The following PLA2G4E variants were observed in gnomAD, a reference collection of about 807,000 sequenced individuals.
PLA2G4E encodes the protein cytosolic phospholipase A2 epsilon.
Under a neutral mutation model 109.1 loss-of-function variants are expected in PLA2G4E, and 84 were observed. The observed-to-expected ratio is 0.77, with a 90% CI of 0.65 to 0.92. PLA2G4E has a LOEUF of 0.92. PLA2G4E is among the 40% of genes least tolerant of loss of function. The probability of loss-of-function intolerance (pLI) is 0.00; values close to 1 mark genes in which losing one functional copy is unlikely to be tolerated. For synonymous variants in PLA2G4E, 469 were observed against 436.1 expected (o/e 1.08, Z -0.94); for missense variants, 1,057 against 1,076.6 (o/e 0.98, Z 0.25).
intron 13 of PLA2G4E, 88 bp from the exon 14 acceptor site, chr15:41,990,323 CA>C: frequency 5.1e-6 from 6 of 1,181,228 alleles, no homozygotes; most frequent in Non-Finnish European, 6.1e-6. Context: ...TGGACCCCCG[CA>C]GCCACTTCCT....
rs2068403628 is a variant in PLA2G4E at position 42,000,289 on chromosome 15, G to C, written c.674-7C>G. 6.4e-7 allele frequency: 1 copy of C among 1,557,974 alleles called. No individual in the cohort carries two copies. The highest frequency in any genetic ancestry group is 8.7e-7 in the Non-Finnish European group (1 of 1,150,766). On this transcript the variant is annotated splice_region_variant and splice_polypyrimidine_tract_variant and intron_variant, in intron 7 of 19. Transcript: ENST00000399518. ...ATCACCAGGAGGTCCTTCACTGGGA[G>C]AGAGGACAAGAGGGTGAGACCCTGG... is the stretch of plus-strand genomic sequence containing the variant.
At chr15:42,038,527 A>G (rs1294005497) in intron 1 of PLA2G4E, among the ~76,000 whole-genome samples, 1 of 152,186 alleles carries the variant, frequency 6.6e-6, no homozygotes, top group Non-Finnish European at 1.5e-5. Flanking sequence ...GCAGTTCAGA[A>G]TAGTGTTTGC....
chr15:41,997,161 T>G, exon 11 of PLA2G4E: 1 of 1,567,902 alleles, frequency 6.4e-7, no homozygotes, highest in Non-Finnish European at 8.6e-7. Flanking sequence ...CTGCAGCACC[T>G]GCTTCAGGGC....
chr15:41,987,608 C>T (rs905434028), intron 16 of PLA2G4E, among the ~76,000 whole-genome samples: 8 of 152,106 alleles, frequency 5.3e-5, no homozygotes, highest in African/African-American at 1.7e-4. Context: ...AGCTAAGAAG[C>T]GTCCTGGAGA....
chr15:42,015,269 C>T (rs1048179080), intron 1 of PLA2G4E, among the ~76,000 whole-genome samples: 4 of 152,208 alleles, frequency 2.6e-5, no homozygotes, highest in Non-Finnish European at 5.9e-5. Context: ...CTCTTCCAGC[C>T]GCACCAGCTT....
At position 41,985,907 on chromosome 15, in the gene PLA2G4E, G is replaced by T. The variant is rs1240590163; in HGVS notation, c.2134C>A (p.Leu712Ile). The T allele has an allele frequency of 4.3e-6, 7 of 1,609,352 alleles. No homozygotes were observed. In the Admixed American group the frequency reaches 1.2e-4, roughly 27 times the overall value. ...TCGGCTTTTCGCTCTGGCCTGAGGAGGGGCGGGTAGCTGGAGTTGACAAAG... is the reference window on the plus strand; with the variant it reads ...TCGGCTTTTCGCTCTGGCCTGAGGATGGGCGGGTAGCTGGAGTTGACAAAG... The change falls in exon 18 of 20, where the codon CTC becomes ATC. Residue 712 changes from leucine to isoleucine, a missense_variant. Leu to Ile is a conservative substitution (Grantham distance 5, BLOSUM62 2). Coordinates refer to ENST00000399518, the Ensembl canonical transcript of PLA2G4E.
chr15:42,036,771 G>C (rs1395729531), intron 1 of PLA2G4E, among the ~76,000 whole-genome samples: 1 of 152,174 alleles, frequency 6.6e-6, no homozygotes, highest in Non-Finnish European at 1.5e-5. Flanking sequence ...GCTCCGCGGA[G>C]CTGGCGGGAG....
intron 4 of PLA2G4E, 76 bp from the exon 5 acceptor site, chr15:42,005,054 G>A: frequency 6.4e-7 from 1 of 1,559,474 alleles, no homozygotes. Flanking sequence ...TTGCCACCCT[G>A]GGAGCCGCTG....
chr15:42,015,433 G>A (rs1390717491), intron 1 of PLA2G4E, among the ~76,000 whole-genome samples: 7 of 152,202 alleles, frequency 4.6e-5, no homozygotes, highest in African/African-American at 1.2e-4. Flanking sequence ...CCTGGCCAGC[G>A]TCTCTTCCAT....
At chr15:41,990,051 CT>C (rs545548189) in intron 14 of PLA2G4E, 69 bp downstream of exon 14, 1 of 1,186,018 alleles carries the variant, frequency 8.4e-7, no homozygotes, top group Non-Finnish European at 1.2e-6. Flanking sequence ...CCTGGAGGTG[CT>C]GGGTGCTTTT....
chr15:42,044,873 T>C (rs895964655), intron 1 of PLA2G4E, among the ~76,000 whole-genome samples: 1 of 151,294 alleles, frequency 6.6e-6, no homozygotes, highest in Non-Finnish European at 1.5e-5. Context: ...GGAAGATGTG[T>C]TGTAGTGGCT....
rs372345972 is a variant in PLA2G4E, at chr15:41,989,460, G to A, written c.1678C>T (p.Arg560Trp). 2.2e-4 allele frequency: 348 copies of A among 1,613,838 alleles called. No individual in the cohort carries two copies. The highest frequency in any genetic ancestry group is 2.8e-4 in the Non-Finnish European group (325 of 1,179,868). The change falls in exon 15 of 20, where the codon CGG (arginine) becomes TGG (tryptophan). Residue 560 changes from arginine (R) to tryptophan (W), a missense_variant. Coordinates refer to ENST00000399518, the Ensembl canonical transcript of PLA2G4E. ...GACTCCGGGATCCTCTTCACCAGCC[G>A]CCCCATGAAGAACTCGGAGCCGAAG...
At chr15:42,050,581 T>C in exon 1 of PLA2G4E, 1 of 1,550,552 alleles carries the variant, frequency 6.4e-7, no homozygotes, top group African/African-American at 1.4e-5. Flanking sequence ...CCAGGTCCTG[T>C]GTATCCTCGA....
At chr15:41,999,783 C>A (rs1409425283) in intron 9 of PLA2G4E, 134 bp downstream of exon 9, 3 of 1,143,294 alleles carry the variant, frequency 2.6e-6, no homozygotes, top group African/African-American at 1.5e-5. Context: ...CCCCACAAGA[C>A]TCCTCCATCC....
chr15:41,988,258 A>G, intron 15 of PLA2G4E, 102 bp from the exon 16 acceptor site: 1 of 737,420 alleles, frequency 1.4e-6, no homozygotes, highest in Non-Finnish European at 2.0e-6. Context: ...CACGCAAGCC[A>G]GGCTGCTCCA....
At chr15:41,994,991 C>G (rs1276302528) in intron 12 of PLA2G4E, among the ~76,000 whole-genome samples, 1 of 152,368 alleles carries the variant, frequency 6.6e-6, no homozygotes, top group South Asian at 2.1e-4. Flanking sequence ...AGCTGCAGGG[C>G]CCTGCCCGTT....
intron 15 of PLA2G4E, among the ~76,000 whole-genome samples, chr15:41,988,629 A>G (rs2068190426): frequency 6.6e-6 from 1 of 152,186 alleles, no homozygotes; most frequent in African/African-American, 2.4e-5. Context: ...TTAACTAAGG[A>G]GAAGATGGAG....
chr15:42,043,418 G>A (rs1312107514), intron 1 of PLA2G4E, among the ~76,000 whole-genome samples: 2 of 151,970 alleles, frequency 1.3e-5, no homozygotes, highest in Non-Finnish European at 2.9e-5. Flanking sequence ...CCATCCACTC[G>A]GCCTTTCTCA....
At chr15:42,004,224 T>G (rs1047220863) in intron 5 of PLA2G4E, among the ~76,000 whole-genome samples, 2 of 151,836 alleles carry the variant, frequency 1.3e-5, no homozygotes, top group African/African-American at 4.8e-5. Context: ...ATCGCTTGAA[T>G]CCAGGAGGTG....
Sources: allele counts gnomAD v4.1 joint callset (sites outside exome capture counted in the v4.1 genomes callset), GRCh38; gene constraint gnomAD v4.1.1; transcripts MANE v1.5; gene names NCBI Gene and HGNC (gene_info 2026-07-23, HGNC 2026-07-21).